Variants in PODNL1 observed in about 807,000 individuals in gnomAD.
PODNL1 encodes the protein podocan-like protein 1.
A neutral mutation model predicts 45.1 loss-of-function variants in PODNL1; 50 were observed. The ratio of observed to expected loss-of-function variants is 1.11; its 90% CI spans 0.88 to 1.40. The LOEUF (loss-of-function observed/expected upper bound fraction) is 1.40, where lower values mean the gene tolerates loss of function less well. Ranked by LOEUF, PODNL1 falls within the 40% of genes most tolerant of loss-of-function variation. The probability of loss-of-function intolerance (pLI) is 0.00; values close to 1 mark genes in which losing one functional copy is unlikely to be tolerated. For missense variants in PODNL1, 788 were observed against 793.3 expected (o/e 0.99, Z 0.08); for synonymous variants, 406 against 372.5 (o/e 1.09, Z -1.04).
At chr19:13,932,404 C>T (rs1227312787) in intron 8 of PODNL1, 6 of 530,944 alleles carry the variant, frequency 1.1e-5, no homozygotes, top group Non-Finnish European at 1.9e-5. Context: ...CTCTGTTGCC[C>T]AGTCTAGAGG....
rs1232751195 is a variant in PODNL1, at chr19:13,938,008, T to C, written c.4-2A>G. On this transcript the variant is annotated splice_acceptor_variant, in intron 1 of 9. Transcript: ENST00000588872. LOFTEE classifies it high-confidence loss of function. ...CAGGAGCAGCAGCAGGCTCGGCCACTGCGGGGGAGGGAGGGTCAGCGTGTC... is the reference window on the plus strand; with the variant it reads ...CAGGAGCAGCAGCAGGCTCGGCCACCGCGGGGGAGGGAGGGTCAGCGTGTC... The C allele has an allele frequency of 1.3e-5, 19 of 1,517,792 alleles. No individual in the cohort carries two copies. Among genetic ancestry groups the C allele is most frequent in the Non-Finnish European group, 1.6e-5 (18 of 1,125,240 alleles). The allele number at this position is 1,517,792 out of a possible 1,614,324, so 94.0% of individuals were successfully genotyped here. A position where few individuals can be genotyped will look rare whatever the true frequency, so the allele number is the denominator to read the frequency against.
At chr19:13,935,137 T>C (rs755996487) in intron 5 of PODNL1, among the ~76,000 whole-genome samples, 24 of 149,240 alleles carry the variant, frequency 1.6e-4, no homozygotes, top group Non-Finnish European at 1.9e-4. Flanking sequence ...TATGTGAGTC[T>C]GTGTAAGTGT....
In PODNL1 at chr19:13,953,045, C is replaced by T. The variant is rs114049879; in HGVS notation, c.18+74G>A. ...CCCTTTGCAGAGCCCCTGCCGCTGG[C>T]TTTGGGCTTCCTCCGCCTGATGTTC... On this transcript the variant is annotated intron_variant, in intron 1 of 7. Transcript: ENST00000538371. 1.2e-3 allele frequency: 1,811 copies of T among 1,517,226 alleles called. 18 individuals are homozygous for T. In the African/African-American group the frequency reaches 0.022, roughly 18 times the overall value. 94.0% of individuals were successfully genotyped at this position (1,517,226 alleles called of 1,614,324 possible). A position where few individuals can be genotyped will look rare whatever the true frequency, so the allele number is the denominator to read the frequency against.
chr19:13,951,976 C>T (rs191022737), intron 1 of PODNL1, among the ~76,000 whole-genome samples: 1 of 152,342 alleles, frequency 6.6e-6, no homozygotes, highest in Admixed American at 6.5e-5. Context: ...CACCAACCCG[C>T]CCATCGGAAA....
chr19:13,949,375 C>G (rs528435829), intron 1 of PODNL1: 1 of 152,184 alleles, frequency 6.6e-6, no homozygotes, highest in Non-Finnish European at 1.5e-5. Context: ...GACGCCATCA[C>G]AGCTCACTGT....
chr19:13,937,774 G>T lies in PODNL1; in HGVS notation c.225+11C>A, dbSNP rs55873182. ...GCCCTGCATGCCCCCACTCCCCTCC[G>T]TGGGCCCCACCTGCAGGGAGAGGTG... On this transcript the variant is annotated intron_variant, in intron 2 of 9. Coordinates refer to ENST00000588872, the MANE Select transcript of PODNL1 (RefSeq NM_001370095.3). 6.4e-7 allele frequency: 1 copy of T among 1,567,394 alleles called. No individual in the cohort carries two copies. The highest frequency in any genetic ancestry group is 1.2e-5 in the South Asian group (1 of 85,322).
chr19:13,938,847 G>T (rs191563643), upstream of PODNL1, among the ~76,000 whole-genome samples: 141 of 152,230 alleles, frequency 9.3e-4, no homozygotes, highest in Admixed American at 8.6e-3. Context: ...CTTGGTGCCA[G>T]CCTGCCTGGG....
rs374416651 is a variant in PODNL1, at chr19:13,946,395, A to C, written c.18+6724T>G. Among the ~76,000 whole-genome samples, 14 of 151,470 alleles carry C rather than the reference A, an allele frequency of 9.2e-5. No individual in the cohort carries two copies. The South Asian group carries it at 2.5e-3, about 27-fold the overall frequency. On this transcript the variant is annotated intron_variant, in intron 1 of 7. Coordinates refer to the PODNL1 transcript ENST00000538371. ...CAGTGAGCCAAGATCGAGCCATTAC[A>C]CTCCAGCCTGGGTGACAGAGCAAAA...
At position 13,934,930 on chromosome 19, in the gene PODNL1, AGT is replaced by A. The variant is rs1972238322; in HGVS notation, c.495-522_495-521del. Among the ~76,000 whole-genome samples, 4 of 149,762 alleles carry A rather than the reference AGT, an allele frequency of 2.7e-5. No homozygotes were observed. In the South Asian group the frequency reaches 6.3e-4, roughly 24 times the overall value. On this transcript the variant is annotated intron_variant, in intron 5 of 9. Coordinates refer to ENST00000588872, the MANE Select transcript of PODNL1 (RefSeq NM_001370095.3). ...ATGTGTGCATGTGATCATGTGCAAA[AGT>A]GTGAGCATTGTGTACATATGTGCAT... is the stretch of plus-strand genomic sequence containing the variant.
Position 13,933,034 on chromosome 19 carries a change from A to C in PODNL1, c.1189T>G (p.Phe397Val). ...LASARVHHRA[F>V]RRLRALRSLD... ...CTGCGCAGGGCACGCAACCGGCGGAAGGCCCGGTGGTGCACACGGGCGCTG... is the reference window on the plus strand; with the variant it reads ...CTGCGCAGGGCACGCAACCGGCGGACGGCCCGGTGGTGCACACGGGCGCTG... Residue 397 changes from phenylalanine to valine, a missense_variant, in exon 8 of 10, where the codon TTC becomes GTC. Phe to Val is a conservative substitution (Grantham distance 50, BLOSUM62 -1). Transcript: ENST00000588872. This position sits in a 1 kb window ranked among gnomAD's most constrained non-coding sequence, Gnocchi z 5.2. 1 of 1,537,960 alleles carries C rather than the reference A, an allele frequency of 6.5e-7. No individual in the cohort carries two copies. The highest frequency in any genetic ancestry group is 2.4e-5 in the East Asian group (1 of 41,202).
At chr19:13,941,990 C>T (rs373157235), upstream of PODNL1, among the ~76,000 whole-genome samples, 12 of 152,200 alleles carry the variant, frequency 7.9e-5, no homozygotes, top group Non-Finnish European at 1.2e-4. Context: ...GATGGATGGC[C>T]ATTAGCTTGG....
At chr19:13,942,600 A>T (rs896508274), upstream of PODNL1, among the ~76,000 whole-genome samples, 9 of 152,178 alleles carry the variant, frequency 5.9e-5, no homozygotes, top group Non-Finnish European at 1.0e-4. Context: ...CTCTGCAGGG[A>T]TAACAATGGA....
chr19:13,952,698 AGGGAGG>A, intron 1 of PODNL1: 1 of 757,510 alleles, frequency 1.3e-6, no homozygotes, highest in Non-Finnish European at 1.6e-6. Context: ...AGTAGGGACG[AGGGAGG>A]CGGAGGGAGG....
chr19:13,952,476 G>A, intron 1 of PODNL1: 1 of 1,247,788 alleles, frequency 8.0e-7, no homozygotes, highest in Non-Finnish European at 1.0e-6. Context: ...TGGGGCGAAG[G>A]GGCCGGTTGC....
At chr19:13,946,933 C>A (rs1001313566) in intron 1 of PODNL1, among the ~76,000 whole-genome samples, 4 of 150,732 alleles carry the variant, frequency 2.7e-5, no homozygotes, top group African/African-American at 9.8e-5. Flanking sequence ...CACTTGTAGT[C>A]CCAGCTACTC....
In PODNL1 at chr19:13,931,752, C is replaced by T. The variant is rs1971952485; in HGVS notation, c.1710G>A (p.Arg570=). The change falls in exon 10 of 10, where the codon CGG becomes CGA. Residue 570 remains arginine, a synonymous_variant. Coordinates refer to ENST00000588872, the MANE Select transcript of PODNL1 (RefSeq NM_001370095.3). ...CTCTCTAGGATCAGGGGCCCCCTGC[C>T]CGTGGCCCACGTGGGGTGGTGGGAG... The part of the protein sequence containing the change: ...RLPPTTPRGP[R]AGGP The T allele has an allele frequency of 1.6e-6, 2 of 1,231,930 alleles. No homozygotes were observed. 76.3% of individuals were successfully genotyped at this position (1,231,930 alleles called of 1,614,324 possible). A position where few individuals can be genotyped will look rare whatever the true frequency, so the allele number is the denominator to read the frequency against.
chr19:13,946,720 C>T (rs367591075), intron 1 of PODNL1, among the ~76,000 whole-genome samples: 5 of 151,964 alleles, frequency 3.3e-5, no homozygotes, highest in African/African-American at 4.8e-5. Context: ...AATACATATA[C>T]GTATTAAGGG....
At chr19:13,952,816 G>T (rs1973127855) in intron 1 of PODNL1, among the ~76,000 whole-genome samples, 1 of 135,898 alleles carries the variant, frequency 7.4e-6, no homozygotes, top group Admixed American at 7.3e-5. Context: ...GATGGAGGGG[G>T]CTCAGTTGGG....
At chr19:13,942,784 G>C (rs1206423970), upstream of PODNL1, among the ~76,000 whole-genome samples, 1 of 151,936 alleles carries the variant, frequency 6.6e-6, no homozygotes, top group Non-Finnish European at 1.5e-5. Flanking sequence ...GGGAGTTTGA[G>C]ACCAGCCTGG....
Sources: allele counts gnomAD v4.1 joint callset (sites outside exome capture counted in the v4.1 genomes callset), GRCh38; gene constraint gnomAD v4.1.1; non-coding constraint Gnocchi (gnomAD v3.1); transcripts MANE v1.5; gene names NCBI Gene and HGNC (gene_info 2026-07-23, HGNC 2026-07-21).